Variants in PPP2R1B observed in about 807,000 individuals in gnomAD.
PPP2R1B encodes the protein protein phosphatase 2 scaffold subunit Abeta.
Under a neutral mutation model 72.7 loss-of-function variants are expected in PPP2R1B, and 58 were observed. The ratio of observed to expected loss-of-function variants is 0.80; its 90% CI spans 0.65 to 0.99. The LOEUF (loss-of-function observed/expected upper bound fraction) is 0.99, where lower values mean the gene tolerates loss of function less well. Ranked by LOEUF, PPP2R1B falls within the 50% of genes least tolerant of loss-of-function variation. The probability of loss-of-function intolerance (pLI) is 0.00; values close to 1 mark genes in which losing one functional copy is unlikely to be tolerated. For missense variants in PPP2R1B, 695 were observed against 733.6 expected, an observed-to-expected ratio of 0.95 and a Z score of 0.61; for synonymous variants, 256 against 264.6, an observed-to-expected ratio of 0.97 and a Z score of 0.32.
At chr11:111,756,977 G>A (rs1945144456) in intron 5 of PPP2R1B, among the ~76,000 whole-genome samples, 1 of 151,952 alleles carries the variant, frequency 6.6e-6, no homozygotes, top group Admixed American at 6.6e-5. Context: ...AGCCAGGCAT[G>A]GTGGCACGTG....
the PPP2R1B span, among the ~76,000 whole-genome samples, chr11:111,707,698 C>A: frequency 6.6e-6 from 1 of 152,160 alleles, no homozygotes; most frequent in Admixed American, 6.5e-5. Context: ...AGGCTTCTCA[C>A]TTTAATTCCT....
chr11:111,730,130 A>G (rs1201945300), intron 15 of PPP2R1B: 1 of 152,264 alleles, frequency 6.6e-6, no homozygotes, highest in African/African-American at 2.4e-5. Flanking sequence ...GTAATAACAG[A>G]CTTTGACTTA....
chr11:111,742,344 C>G, intron 13 of PPP2R1B, 179 bp downstream of exon 13: 1 of 793,868 alleles, frequency 1.3e-6, no homozygotes, highest in Non-Finnish European at 1.9e-6. Context: ...ATTTACAGAG[C>G]TTAAATATAA....
rs781975072 is a variant in PPP2R1B at position 111,765,426 on chromosome 11, G to A, written c.115-42C>T. The stretch of plus-strand genomic sequence containing the variant: ...AGAAAGAAGAACAATGTAAAGAAAC[G>A]GCTGAATTTAGATCAAAAGACAAAA... On this transcript the variant is annotated intron_variant, in intron 1 of 14. Coordinates refer to ENST00000527614, the MANE Select transcript of PPP2R1B (RefSeq NM_002716.5). 13 of 1,507,072 alleles carry A rather than the reference G, an allele frequency of 8.6e-6. 1 individual carries two copies. In the African/African-American group the frequency reaches 9.7e-5, roughly 11 times the overall value. The allele number at this position is 1,507,072 out of a possible 1,614,324, so 93.4% of individuals were successfully genotyped here. A position where few individuals can be genotyped will look rare whatever the true frequency, so the allele number is the denominator to read the frequency against.
chr11:111,724,064 C>T, downstream of PPP2R1B: 1 of 1,614,034 alleles, frequency 6.2e-7, no homozygotes, highest in Non-Finnish European at 8.5e-7. Flanking sequence ...GCTACCTGGA[C>T]TCTTTGATTG....
Position 111,763,623 on chromosome 11 carries a change from G to T in PPP2R1B, c.306+1182C>A, listed in dbSNP as rs1017685723. Among the ~76,000 whole-genome samples the T allele has an allele frequency of 5.3e-5, 8 of 152,304 alleles. No individual in the cohort carries two copies. In the East Asian group the frequency reaches 9.7e-4, roughly 18 times the overall value. On this transcript the variant is annotated intron_variant, in intron 3 of 14. Transcript: ENST00000527614. ...GTAGACTCTATAGGAATTACTAATG[G>T]ATTAGATGTGTGGAACAAGGCACAG...
At chr11:111,688,218 G>A in the PPP2R1B span, 1 of 1,583,356 alleles carries the variant, frequency 6.3e-7, no homozygotes, top group Non-Finnish European at 8.7e-7. The surrounding 1 kb of genome is among the most constrained non-coding windows in gnomAD (Gnocchi z 4.2). Context: ...TGCACTCAGT[G>A]TGTGGAAACA....
chr11:111,756,812 TACAAG>T (rs1945137564), intron 5 of PPP2R1B, among the ~76,000 whole-genome samples: 1 of 152,096 alleles, frequency 6.6e-6, no homozygotes, highest in Non-Finnish European at 1.5e-5. Flanking sequence ...GTGGAAAATA[TACAAG>T]ACAAATCAGT....
chr11:111,696,258 C>T, the PPP2R1B span, among the ~76,000 whole-genome samples: 2 of 152,104 alleles, frequency 1.3e-5, no homozygotes, highest in Non-Finnish European at 2.9e-5. Flanking sequence ...GAACATGTGA[C>T]AAAACTCATG....
chr11:111,739,227 C>T lies in PPP2R1B; in HGVS notation c.*2369G>A. On this transcript the variant is annotated 3_prime_UTR_variant, in exon 15 of 15. Transcript: ENST00000527614. ...CTATTATGTGCACCAGACACTGTTC[C>T]AGGCACTGGCGATACAGTAGAAGAT... 2.1e-6 allele frequency: 2 copies of T among 975,468 alleles called. No homozygotes were observed. Among genetic ancestry groups the T allele is most frequent in the South Asian group, 4.7e-5 (1 of 21,070 alleles). 60.4% of individuals were successfully genotyped at this position (975,468 alleles called of 1,614,324 possible). A position where few individuals can be genotyped will look rare whatever the true frequency, so the allele number is the denominator to read the frequency against.
intron 15 of PPP2R1B, among the ~76,000 whole-genome samples, chr11:111,732,375 CCCT>C (rs1944221509): frequency 6.6e-6 from 1 of 152,168 alleles, no homozygotes; most frequent in African/African-American, 2.4e-5. Context: ...AGTTAGGAAC[CCCT>C]GACTCAGCCT....
chr11:111,723,982 G>A (rs117627222), downstream of PPP2R1B: 435 of 1,614,108 alleles, frequency 2.7e-4, 3 homozygotes, highest in East Asian at 7.3e-3. Context: ...GCGACCTAAC[G>A]GGGCCAGACT....
At chr11:111,727,320 C>G (rs1944005456) in intron 15 of PPP2R1B, 2 of 493,118 alleles carry the variant, frequency 4.1e-6, no homozygotes, top group South Asian at 3.8e-5. Context: ...TCTCTTCCAT[C>G]CACTTTTGCC....
intron 11 of PPP2R1B, among the ~76,000 whole-genome samples, chr11:111,744,819 T>G (rs1479330239): frequency 6.6e-6 from 1 of 152,162 alleles, no homozygotes; most frequent in Non-Finnish European, 1.5e-5. Context: ...CAAGACAGCA[T>G]AGACAAGTGA....
chr11:111,735,763 C>G (rs1486599870), downstream of PPP2R1B, among the ~76,000 whole-genome samples: 1 of 152,194 alleles, frequency 6.6e-6, no homozygotes, highest in African/African-American at 2.4e-5. Context: ...TCAACAGCAG[C>G]GCGCTCACGC....
chr11:111,745,704 TA>T (rs1351173689), intron 11 of PPP2R1B, among the ~76,000 whole-genome samples: 1 of 152,180 alleles, frequency 6.6e-6, no homozygotes, highest in East Asian at 1.9e-4. Flanking sequence ...AATAAATAAA[TA>T]AATTTCCCTT....
chr11:111,765,510 A>G (rs1395179335), intron 1 of PPP2R1B, 126 bp from the exon 2 acceptor site: 16 of 781,958 alleles, frequency 2.0e-5, no homozygotes, highest in Non-Finnish European at 3.0e-5. Flanking sequence ...TTTCATTTAG[A>G]TTTTACTGTT....
chr11:111,721,086 C>T, the PPP2R1B span: 1 of 1,598,272 alleles, frequency 6.3e-7, no homozygotes, highest in East Asian at 2.2e-5. Context: ...GCCCTTCCCT[C>T]AATGGCTCTG....
intron 2 of PPP2R1B, 31 bp from the exon 3 acceptor site, chr11:111,764,936 A>T: frequency 6.2e-7 from 1 of 1,610,054 alleles, no homozygotes; most frequent in Non-Finnish European, 8.5e-7. Flanking sequence ...ACTCATCAAC[A>T]TGGATAGCTC....
Sources: gnomAD v4.1 joint callset for allele counts (sites outside exome capture counted in the v4.1 genomes callset) on GRCh38, gnomAD v4.1.1 for gene constraint, Gnocchi (gnomAD v3.1) non-coding constraint, MANE v1.5 for transcripts, NCBI Gene and HGNC (gene_info 2026-07-23, HGNC 2026-07-21) for gene names.